ZNF280D: variants seen among roughly 807,000 people sequenced by gnomAD.
ZNF280D encodes the protein suppressor of hairy wing homolog 4.
In ZNF280D, 39 loss-of-function variants were observed where a neutral mutation model predicts 94.7. The ratio of observed to expected loss-of-function variants is 0.41; its 90% confidence interval spans 0.32 to 0.54. The LOEUF (loss-of-function observed/expected upper bound fraction) is 0.54, where lower values mean the gene tolerates loss of function less well. Among genes scored for constraint, ZNF280D ranks in the 20% least tolerant of loss-of-function variants. The probability of loss-of-function intolerance (pLI) is 0.22; values close to 1 mark genes in which losing one functional copy is unlikely to be tolerated. For missense variants in ZNF280D, 1,090 were observed against 1,149.3 expected, an observed-to-expected ratio of 0.95 and a Z score of 0.75; for synonymous variants, 398 against 377.6, an observed-to-expected ratio of 1.05 and a Z score of -0.63.
rs549449517 is a variant in ZNF280D, at chr15:56,633,583, C to T, written c.2316-1461G>A. ...TCGGCTCATTGCAACCTCTGCCTCC[C>T]GGGTTCAGGTGATTCTCCTGCCTCA... On this transcript the variant is annotated intron_variant, in intron 21 of 21. Coordinates refer to ENST00000267807, the MANE Select transcript of ZNF280D (RefSeq NM_017661.4). 2.1e-3 allele frequency among the ~76,000 whole-genome samples: 319 copies of T among 151,924 alleles called. 1 individual carries two copies. The highest frequency in any genetic ancestry group is 7.5e-3 in the African/African-American group (311 of 41,444).
At chr15:56,644,837 C>A in intron 19 of ZNF280D, among the ~76,000 whole-genome samples, 1 of 152,076 alleles carries the variant, frequency 6.6e-6, no homozygotes, top group Non-Finnish European at 1.5e-5. Context: ...TGGCAAGAAA[C>A]TGGTAGGTGA....
At position 56,682,483 on chromosome 15, in the gene ZNF280D, A is replaced by AC; in HGVS notation, c.781-7_781-6insG. 1.7e-6 allele frequency: 2 copies of AC among 1,150,578 alleles called. No individual in the cohort carries two copies. Among genetic ancestry groups the AC allele is most frequent in the Non-Finnish European group, 2.4e-6 (2 of 837,916 alleles). 71.3% of individuals were successfully genotyped at this position (1,150,578 alleles called of 1,614,324 possible). A position where few individuals can be genotyped will look rare whatever the true frequency, so the allele number is the denominator to read the frequency against. On this transcript the variant is annotated splice_region_variant and splice_polypyrimidine_tract_variant and intron_variant, in intron 9 of 21. Coordinates refer to ENST00000267807, the MANE Select transcript of ZNF280D (RefSeq NM_017661.4). The stretch of plus-strand genomic sequence containing the variant: ...ATCATGTCTGGACAACAATACTGAA[A>AC]GAGAAAAAAAAAAAAAAAAAACAAG...
chr15:56,732,095 A>T (rs2058920936), intron 1 of ZNF280D, among the ~76,000 whole-genome samples: 1 of 152,208 alleles, frequency 6.6e-6, no homozygotes, highest in African/African-American at 2.4e-5. Context: ...CATCTACCTC[A>T]TTCCCACAAA....
At chr15:56,694,387 C>T (rs1474381730) in intron 6 of ZNF280D, among the ~76,000 whole-genome samples, 1 of 150,710 alleles carries the variant, frequency 6.6e-6, no homozygotes, top group Non-Finnish European at 1.5e-5. Context: ...TCATTGTGGA[C>T]GGTAAGCTCT....
intron 17 of ZNF280D, among the ~76,000 whole-genome samples, chr15:56,655,236 C>G (rs1216119306): frequency 2.0e-5 from 3 of 152,226 alleles, no homozygotes; most frequent in African/African-American, 7.2e-5. Context: ...ACTAGGGAGT[C>G]TCACTCTGTC....
intron 17 of ZNF280D, 87 bp downstream of exon 17, chr15:56,658,337 T>C (rs1333934508): frequency 3.3e-5 from 30 of 911,082 alleles, no homozygotes; most frequent in Non-Finnish European, 5.0e-5. Flanking sequence ...GTATGCTAAT[T>C]CTACCTCAAT....
chr15:56,707,363 T>C (rs1049743581), intron 1 of ZNF280D, 57 bp from the exon 2 acceptor site: 14 of 1,416,016 alleles, frequency 9.9e-6, no homozygotes, highest in East Asian at 5.7e-5. Flanking sequence ...GATGTATACA[T>C]ATTTAATCTT....
chr15:56,693,487 C>A (rs1292344293), intron 6 of ZNF280D, among the ~76,000 whole-genome samples: 1 of 151,882 alleles, frequency 6.6e-6, no homozygotes, highest in Non-Finnish European at 1.5e-5. Context: ...TTACTGCTGA[C>A]TAGAAAACTA....
chr15:56,643,037 G>T, intron 19 of ZNF280D, 40 bp from the exon 20 acceptor site: 1 of 1,288,604 alleles, frequency 7.8e-7, no homozygotes, highest in Non-Finnish European at 1.0e-6. Flanking sequence ...TATTTTATAT[G>T]TACGATGGTA....
intron 1 of ZNF280D, among the ~76,000 whole-genome samples, chr15:56,718,085 G>A (rs2058141914): frequency 6.6e-6 from 1 of 151,586 alleles, no homozygotes; most frequent in Non-Finnish European, 1.5e-5. Flanking sequence ...TGCCTAGACT[G>A]AAAGATACGG....
At chr15:56,671,231 T>C (rs1206660866) in intron 13 of ZNF280D, among the ~76,000 whole-genome samples, 3 of 152,284 alleles carry the variant, frequency 2.0e-5, no homozygotes, top group South Asian at 2.1e-4. Flanking sequence ...GTCTTCATCA[T>C]GAAATCTTTG....
intron 9 of ZNF280D, among the ~76,000 whole-genome samples, chr15:56,686,273 G>T (rs79284144): frequency 6.6e-6 from 1 of 152,132 alleles, no homozygotes; most frequent in Non-Finnish European, 1.5e-5. Context: ...CAAGCAGTGG[G>T]ACTACAGGCG....
At chr15:56,653,929 AAT>A in intron 19 of ZNF280D, 2 of 1,311,212 alleles carry the variant, frequency 1.5e-6, no homozygotes, top group Non-Finnish European at 1.9e-6. Context: ...AGAGCTGAAT[AAT>A]GAGAGCTAGT....
At chr15:56,725,062 C>A in intron 1 of ZNF280D, 2 of 295,644 alleles carry the variant, frequency 6.8e-6, no homozygotes, top group South Asian at 6.4e-5. Flanking sequence ...ACCTAAAACC[C>A]CCAGGCCTCT....
rs751568330 is a variant in ZNF280D, at chr15:56,677,555, C to A, written c.1263+19G>T. On this transcript the variant is annotated intron_variant, in intron 12 of 21. Transcript: ENST00000267807. The stretch of plus-strand genomic sequence containing the variant: ...CAAACAAACCAAACACTTAAAAAAA[C>A]AATAAAATGTATGTGTACCTGGCAG... 3 of 1,551,190 alleles carry A rather than the reference C, an allele frequency of 1.9e-6. No individual in the cohort carries two copies. The South Asian group carries it at 3.3e-5, about 17-fold the overall frequency.
At chr15:56,653,219 G>C in intron 19 of ZNF280D, 2 of 1,106,644 alleles carry the variant, frequency 1.8e-6, no homozygotes, top group Non-Finnish European at 2.2e-6. Context: ...TCATGCTAGA[G>C]AAAGATTTAA....
intron 17 of ZNF280D, chr15:56,654,775 T>C: frequency 2.0e-6 from 1 of 511,436 alleles, no homozygotes; most frequent in Non-Finnish European, 3.8e-6. Context: ...AGACCTAGAG[T>C]CAGTCTTGGC....
chr15:56,656,361 A>G (rs536565461), intron 17 of ZNF280D, among the ~76,000 whole-genome samples: 1 of 152,358 alleles, frequency 6.6e-6, no homozygotes, highest in African/African-American at 2.4e-5. Flanking sequence ...ATTTGAGACT[A>G]GCCAGGTTTA....
At chr15:56,646,896 G>A (rs2052920618) in intron 19 of ZNF280D, among the ~76,000 whole-genome samples, 1 of 152,060 alleles carries the variant, frequency 6.6e-6, no homozygotes, top group Non-Finnish European at 1.5e-5. Context: ...CCAAGGCAGA[G>A]AAAAAGCAAA....
Sources: allele counts gnomAD v4.1 joint callset (sites outside exome capture counted in the v4.1 genomes callset), GRCh38; gene constraint gnomAD v4.1.1; transcripts MANE v1.5; gene names NCBI Gene and HGNC (gene_info 2026-07-23, HGNC 2026-07-21).